Variants in NOD1 observed in about 807,000 individuals in gnomAD.
NOD1 encodes nucleotide binding oligomerization domain containing 1.
A neutral mutation model predicts 81.2 loss-of-function variants in NOD1; 70 were observed. The observed-to-expected ratio is 0.86, with a 90% CI of 0.71 to 1.05. The LOEUF (loss-of-function observed/expected upper bound fraction) is 1.05, where lower values mean the gene tolerates loss of function less well. Among genes scored for constraint, NOD1 ranks in the 50% least tolerant of loss-of-function variants. NOD1 has a pLI of 0.00. For missense variants in NOD1, 1,233 were observed against 1,228.0 expected, an observed-to-expected ratio of 1.00 and a Z score of -0.06; for synonymous variants, 508 against 526.9, an observed-to-expected ratio of 0.96 and a Z score of 0.49.
At chr7:30,430,873 G>A (rs1783893534) in intron 12 of NOD1, among the ~76,000 whole-genome samples, 1 of 152,198 alleles carries the variant, frequency 6.6e-6, no homozygotes, top group African/African-American at 2.4e-5. Flanking sequence ...AAGGGCTAGG[G>A]CCCCTGGGTT....
chr7:30,471,454 C>T (rs1052650570), intron 1 of NOD1, among the ~76,000 whole-genome samples: 1 of 152,250 alleles, frequency 6.6e-6, no homozygotes, highest in Non-Finnish European at 1.5e-5. Flanking sequence ...CTGGAAGCAG[C>T]CAGCATGCAG....
chr7:30,435,203 G>A (rs1784279313), intron 11 of NOD1, among the ~76,000 whole-genome samples: 1 of 152,228 alleles, frequency 6.6e-6, no homozygotes, highest in African/African-American at 2.4e-5. Flanking sequence ...GTGCCCTAGA[G>A]TGCAGAGAGG....
intron 13 of NOD1, among the ~76,000 whole-genome samples, 162 bp downstream of exon 13, chr7:30,429,212 G>C (rs1783726789): frequency 6.6e-6 from 1 of 152,232 alleles, no homozygotes; most frequent in African/African-American, 2.4e-5. Flanking sequence ...TATTTCACTG[G>C]TCTGGGCCTC....
chr7:30,457,309 C>T (rs1325003924), intron 3 of NOD1, among the ~76,000 whole-genome samples: 1 of 152,034 alleles, frequency 6.6e-6, no homozygotes, highest in East Asian at 1.9e-4. Context: ...AAAAATTAGC[C>T]AGGCATGGTG....
In NOD1 at chr7:30,446,018, A is replaced by G. The variant is rs140378666; in HGVS notation, c.2453+123T>C. 395 of 762,076 alleles carry G rather than the reference A, an allele frequency of 5.2e-4. 2 individuals are homozygous for G. Among genetic ancestry groups the G allele is most frequent in the Non-Finnish European group, 8.3e-4 (358 of 432,780 alleles). The allele number at this position is 762,076 out of a possible 1,614,324, so 47.2% of individuals were successfully genotyped here. ...CGCAGCATGGTGAAAGCTCTCCACT[A>G]TCTCTCCCCGACAGCGAGCCCCAGT... On this transcript the variant is annotated intron_variant, in intron 9 of 13. Coordinates refer to ENST00000222823, the MANE Select transcript of NOD1 (RefSeq NM_006092.4).
intron 1 of NOD1, among the ~76,000 whole-genome samples, chr7:30,464,719 T>C (rs1583850946): frequency 6.6e-6 from 1 of 152,220 alleles, no homozygotes; most frequent in Non-Finnish European, 1.5e-5. Context: ...CATGGGACTT[T>C]ATTATAAGAT....
chr7:30,432,191 T>C (rs1784007838), intron 12 of NOD1, among the ~76,000 whole-genome samples: 1 of 152,056 alleles, frequency 6.6e-6, no homozygotes, highest in African/African-American at 2.4e-5. Flanking sequence ...AGAAAATACT[T>C]GCAAAACCTG....
intron 7 of NOD1, 182 bp from the exon 8 acceptor site, chr7:30,447,232 T>G (rs1785203897): frequency 1.1e-6 from 1 of 889,394 alleles, no homozygotes; most frequent in Non-Finnish European, 1.8e-6. Context: ...CTCCACTACT[T>G]TCCCCAGCTT....
At chr7:30,445,981 C>T (rs572350013) in intron 9 of NOD1, among the ~76,000 whole-genome samples, 160 bp downstream of exon 9, 1 of 151,876 alleles carries the variant, frequency 6.6e-6, no homozygotes, top group Admixed American at 6.6e-5. Flanking sequence ...TTAATGGGCA[C>T]GGTTTCAGTT....
At position 30,424,996 on chromosome 7, in the gene NOD1, A is replaced by G. The variant is rs1783326252; in HGVS notation, c.*642T>C. On this transcript the variant is annotated 3_prime_UTR_variant, in exon 14 of 14. Transcript: ENST00000222823. ...TCTCTATCTTTGCCAGCAGACAGTG[A>G]GACTCCAGGATTAAAATTAAAAGCC... 6.6e-6 allele frequency: 1 copy of G among 152,438 alleles called. No individual in the cohort carries two copies. The highest frequency in any genetic ancestry group is 1.5e-5 in the Non-Finnish European group (1 of 68,256). 9.4% of individuals were successfully genotyped at this position (152,438 alleles called of 1,614,324 possible).
intron 13 of NOD1, among the ~76,000 whole-genome samples, chr7:30,427,007 T>C (rs1783516722): frequency 6.6e-6 from 1 of 152,164 alleles, no homozygotes; most frequent in Admixed American, 6.5e-5. Context: ...ACGCAAATGA[T>C]TTTTTCTTTA....
In NOD1 at chr7:30,456,775, G is replaced by A. The variant is rs1454048053; in HGVS notation, c.147C>T (p.Tyr49=). The change falls in exon 4 of 14, where the codon TAC becomes TAT. Residue 49 remains tyrosine, a synonymous_variant. Transcript: ENST00000222823. The stretch of plus-strand genomic sequence containing the variant: ...CAATCTCCGCATCTTCGGCCGAGAA[G>A]TAGTCATTCTTCAGCAAGTTGTCCA... ...CLVDNLLKND[Y]FSAEDAEIVC... 2 of 1,614,212 alleles carry A rather than the reference G, an allele frequency of 1.2e-6. No individual in the cohort carries two copies. Among genetic ancestry groups the A allele is most frequent in the Non-Finnish European group, 1.7e-6 (2 of 1,180,040 alleles).
chr7:30,462,338 T>A (rs1256393327), intron 1 of NOD1, among the ~76,000 whole-genome samples: 1 of 152,022 alleles, frequency 6.6e-6, no homozygotes, highest in African/African-American at 2.4e-5. Context: ...TTTGACACAA[T>A]ATGTGTCAAC....
chr7:30,429,449 T>C lies in NOD1; in HGVS notation c.2714A>G (p.Gln905Arg). The C allele has an allele frequency of 6.2e-7, 1 of 1,613,840 alleles. No homozygotes were observed. The highest frequency in any genetic ancestry group is 2.2e-5 in the East Asian group (1 of 44,880). Residue 905 changes from glutamine (Q) to arginine (R), a missense_variant, in exon 13 of 14, where the codon CAG (glutamine) becomes CGG (arginine). Transcript: ENST00000222823. Reference protein sequence around the residue: ...NQTLKHLWLIQNQITAKGTAQ... With the variant: ...NQTLKHLWLIRNQITAKGTAQ... The stretch of plus-strand genomic sequence containing the variant: ...AGTCCCCTTAGCTGTGATCTGATTC[T>C]GGATAAGCCTGAAAGAAGAACATAA...
rs1328187342 is a variant in NOD1 at position 30,429,530 on chromosome 7, A to T, written c.2706-73T>A. Reference sequence around the variant, plus strand: ...TTTGACCCCTTCGTAAGGGAGTTGCAAGGGTGTTTTGGGATAAGAGACAAG... The same window carrying T: ...TTTGACCCCTTCGTAAGGGAGTTGCTAGGGTGTTTTGGGATAAGAGACAAG... On this transcript the variant is annotated intron_variant, in intron 12 of 13. Coordinates refer to ENST00000222823, the MANE Select transcript of NOD1 (RefSeq NM_006092.4). 3.0e-6 allele frequency: 4 copies of T among 1,352,362 alleles called. No individual in the cohort carries two copies. In the African/African-American group the frequency reaches 5.7e-5, roughly 19 times the overall value. 83.8% of individuals were successfully genotyped at this position (1,352,362 alleles called of 1,614,324 possible).
intron 9 of NOD1, among the ~76,000 whole-genome samples, chr7:30,438,902 A>G (rs1784621629): frequency 6.6e-6 from 1 of 152,184 alleles, no homozygotes; most frequent in Non-Finnish European, 1.5e-5. Context: ...AACAAGAATC[A>G]TTTTCTGAGA....
intron 13 of NOD1, among the ~76,000 whole-genome samples, chr7:30,426,723 T>G (rs923579435): frequency 6.6e-6 from 1 of 152,168 alleles, no homozygotes; most frequent in African/African-American, 2.4e-5. Flanking sequence ...CTCAGCCTCC[T>G]GTAGTCCCCT....
intron 1 of NOD1, among the ~76,000 whole-genome samples, chr7:30,476,993 G>A (rs1440959666): frequency 1.3e-5 from 2 of 152,232 alleles, no homozygotes; most frequent in East Asian, 1.9e-4. Context: ...CCTTCCAGGT[G>A]TGTGATGCAC....
intron 13 of NOD1, among the ~76,000 whole-genome samples, chr7:30,426,347 G>C (rs1165358042): frequency 1.3e-5 from 2 of 151,562 alleles, no homozygotes; most frequent in Non-Finnish European, 1.5e-5. Context: ...GTAACCTGGG[G>C]GTCAACCTGG....
Sources: allele counts gnomAD v4.1 joint callset (sites outside exome capture counted in the v4.1 genomes callset), GRCh38; gene constraint gnomAD v4.1.1; transcripts MANE v1.5; gene names NCBI Gene and HGNC (gene_info 2026-07-23, HGNC 2026-07-21).